HADHB: variants seen among roughly 807,000 people sequenced by gnomAD.
The protein encoded by HADHB is trifunctional enzyme subunit beta, mitochondrial.
A neutral mutation model predicts 61.9 loss-of-function variants in HADHB; 50 were observed. The observed-to-expected ratio is 0.81, with a 90% CI of 0.64 to 1.02. The LOEUF (loss-of-function observed/expected upper bound fraction) is 1.02. Among genes scored for constraint, HADHB ranks in the 50% least tolerant of loss-of-function variants. The pLI is 0.00. For synonymous variants in HADHB, 191 were observed against 201.6 expected, an observed-to-expected ratio of 0.95 and a Z score of 0.45; for missense variants, 504 against 586.5, an observed-to-expected ratio of 0.86 and a Z score of 1.45.
chr2:26,289,044 A>G (rs1405398415), intron 15 of HADHB, among the ~76,000 whole-genome samples: 7 of 151,988 alleles, frequency 4.6e-5, no homozygotes, highest in Admixed American at 3.3e-4. Context: ...AGGTCAGGAT[A>G]TCGAGACCAT....
At chr2:26,270,964 T>C (rs1172054651) in intron 5 of HADHB, among the ~76,000 whole-genome samples, 1 of 150,652 alleles carries the variant, frequency 6.6e-6, no homozygotes, top group Non-Finnish European at 1.5e-5. Context: ...CTGCAAGCTC[T>C]GCCTGCCGGG....
At chr2:26,253,872 ATAAAT>A (rs1671503725) in intron 1 of HADHB, among the ~76,000 whole-genome samples, 3 of 147,954 alleles carry the variant, frequency 2.0e-5, no homozygotes, top group Non-Finnish European at 3.0e-5. Context: ...AAATAAATAA[ATAAAT>A]AAATAAATAA....
chr2:26,279,093 C>T (rs756949596), intron 8 of HADHB, 42 bp from the exon 9 acceptor site: 11 of 1,486,700 alleles, frequency 7.4e-6, no homozygotes, highest in Admixed American at 5.0e-5. Context: ...AGCATAACAC[C>T]GGTTAACAGT....
chr2:26,260,802 A>G (rs1414218586), intron 3 of HADHB: 2 of 576,958 alleles, frequency 3.5e-6, no homozygotes, highest in African/African-American at 3.8e-5. Context: ...ACCACATGGT[A>G]TGTCCCTTTC....
In HADHB at chr2:26,290,240, G is replaced by GTTGGGAAAGAGGTCAACTGAGAT. The variant is rs1254736990; in HGVS notation, c.*292_*314dup. 19 of 470,956 alleles carry GTTGGGAAAGAGGTCAACTGAGAT rather than the reference G, an allele frequency of 4.0e-5. No homozygotes were observed. The highest frequency in any genetic ancestry group is 6.6e-5 in the Non-Finnish European group (17 of 259,504). The allele number at this position is 470,956 out of a possible 1,614,324, so 29.2% of individuals were successfully genotyped here. A position where few individuals can be genotyped will look rare whatever the true frequency, so the allele number is the denominator to read the frequency against. On this transcript the variant is annotated 3_prime_UTR_variant, in exon 16 of 16. Transcript: ENST00000317799. ...ACTAAAGACTAAATGAGGGTTTGCA[G>GTTGGGAAAGAGGTCAACTGAGAT]TTGGGAAAGAGGTCAACTGAGATTT...
Position 26,278,614 on chromosome 2 carries a change from G to T in HADHB, c.443G>T (p.Gly148Val). 1 of 1,612,710 alleles carries T rather than the reference G, an allele frequency of 6.2e-7. No individual in the cohort carries two copies. The highest frequency in any genetic ancestry group is 1.1e-5 in the South Asian group (1 of 91,048). The change falls in exon 8 of 16, where the codon GGT becomes GTT. Residue 148 changes from glycine to valine, a missense_variant and splice_region_variant. Physicochemically the swap from Gly to Val is moderately radical, Grantham distance 109. Transcript: ENST00000317799. Reference protein sequence around the residue: ...CISANQAMTTGVGLIASGQCD... With the variant: ...CISANQAMTTVVGLIASGQCD... ...ATGAAGTATAACCTGTGCCCTGTAG[G>T]TGTTGGCTTGATTGCTTCTGGCCAG...
intron 15 of HADHB, among the ~76,000 whole-genome samples, chr2:26,287,030 C>A (rs1223144177): frequency 1.3e-5 from 2 of 151,494 alleles, no homozygotes; most frequent in Non-Finnish European, 2.9e-5. Flanking sequence ...ATGGTGAAAC[C>A]TTGTCTCTAC....
At chr2:26,245,544 G>C (rs970170404) in intron 1 of HADHB, 1 of 151,914 alleles carries the variant, frequency 6.6e-6, no homozygotes, top group Non-Finnish European at 1.5e-5. Flanking sequence ...TTTCCGATCT[G>C]GATGATTATC....
At chr2:26,256,870 G>A (rs1051925185) in intron 3 of HADHB, among the ~76,000 whole-genome samples, 5 of 152,182 alleles carry the variant, frequency 3.3e-5, no homozygotes, top group Admixed American at 6.5e-5. Flanking sequence ...TTAGGAGCCA[G>A]TGTGCACATG....
intron 15 of HADHB, 105 bp from the exon 16 acceptor site, chr2:26,289,813 G>C (rs1391159414): frequency 1.2e-6 from 1 of 827,170 alleles, no homozygotes; most frequent in Non-Finnish European, 2.1e-6. Flanking sequence ...GCAGAGCCAG[G>C]ATCCCACTCC....
At chr2:26,274,244 C>T (rs2147820632) in intron 6 of HADHB, among the ~76,000 whole-genome samples, 1 of 152,278 alleles carries the variant, frequency 6.6e-6, no homozygotes, top group Admixed American at 6.5e-5. Context: ...TTACTTTTGC[C>T]CTAGTTGGCA....
intron 3 of HADHB, among the ~76,000 whole-genome samples, chr2:26,259,918 C>A (rs927010859): frequency 3.3e-5 from 5 of 152,012 alleles, no homozygotes; most frequent in Admixed American, 6.6e-5. Context: ...CTGACCTGAG[C>A]AAAGCTGTAA....
Position 26,271,379 on chromosome 2 carries a change from T to C in HADHB, c.254+1382T>C, listed in dbSNP as rs568043782. On this transcript the variant is annotated intron_variant, in intron 5 of 15. Transcript: ENST00000317799. Reference sequence around the variant, plus strand: ...AAAATTAGCTGGGCGTAGTAGCACATGCCTGTAATGCCAGCTACTTGGAAG... The same window carrying C: ...AAAATTAGCTGGGCGTAGTAGCACACGCCTGTAATGCCAGCTACTTGGAAG... Among the ~76,000 whole-genome samples, 10 of 152,100 alleles carry C rather than the reference T, an allele frequency of 6.6e-5. No homozygotes were observed. In the South Asian group the frequency reaches 2.1e-3, roughly 32 times the overall value.
intron 3 of HADHB, 56 bp downstream of exon 3, chr2:26,254,530 A>G (rs1016881902): frequency 7.6e-6 from 9 of 1,189,550 alleles, no homozygotes; most frequent in African/African-American, 1.5e-5. Context: ...TCCAGATTCT[A>G]TAGTTTGTGA....
At chr2:26,270,148 GC>G (rs1351815081) in intron 5 of HADHB, 151 bp downstream of exon 5, 1 of 699,242 alleles carries the variant, frequency 1.4e-6, no homozygotes. Flanking sequence ...TATTTTGCAG[GC>G]CTAACAGTGT....
At position 26,284,961 on chromosome 2, in the gene HADHB, A is replaced by T. The variant is rs1167574755; in HGVS notation, c.1224+4A>T. ...CTACATGGGTAGAAAAACCAAGGTG[A>T]GTTTCTAATTTTAAAAAATGCGTGA... On this transcript the variant is annotated splice_donor_region_variant and intron_variant, in intron 14 of 15. Coordinates refer to ENST00000317799, the MANE Select transcript of HADHB (RefSeq NM_000183.3). 31 of 1,472,836 alleles carry T rather than the reference A, an allele frequency of 2.1e-5. No individual in the cohort carries two copies. Among genetic ancestry groups the T allele is most frequent in the Non-Finnish European group, 2.7e-5 (28 of 1,051,242 alleles). 91.2% of individuals were successfully genotyped at this position (1,472,836 alleles called of 1,614,324 possible). A position where few individuals can be genotyped will look rare whatever the true frequency, so the allele number is the denominator to read the frequency against.
intron 5 of HADHB, among the ~76,000 whole-genome samples, chr2:26,270,690 A>G (rs1051934606): frequency 2.6e-5 from 4 of 152,072 alleles, no homozygotes; most frequent in Non-Finnish European, 5.9e-5. Context: ...CAGAAACCAT[A>G]CTTTAGAATC....
chr2:26,248,292 AACTT>A (rs1361356558), intron 1 of HADHB, among the ~76,000 whole-genome samples: 6 of 152,180 alleles, frequency 3.9e-5, no homozygotes, highest in Non-Finnish European at 2.9e-5. Context: ...TTTATACTAT[AACTT>A]ACTTAACTGT....
In HADHB at chr2:26,285,417, C is replaced by T. The variant is rs773015233; in HGVS notation, c.1235C>T (p.Pro412Leu). 4 of 1,613,670 alleles carry T rather than the reference C, an allele frequency of 2.5e-6. No individual in the cohort carries two copies. The highest frequency in any genetic ancestry group is 1.7e-4 in the Middle Eastern group (1 of 6,050). Residue 412 changes from proline (P) to leucine (L), a missense_variant, in exon 15 of 16, where the codon CCT becomes CTT. Coordinates refer to ENST00000317799, the MANE Select transcript of HADHB (RefSeq NM_000183.3). The part of the protein sequence containing the change: ...YMGRKTKVGL[P>L]PLEKFNNWGG... ...CTTTGGGGGAGCCAGGTTGGATTGC[C>T]TCCTTTGGAGAAGTTTAATAACTGG...
Sources: gnomAD v4.1 joint callset for allele counts (sites outside exome capture counted in the v4.1 genomes callset) on GRCh38, gnomAD v4.1.1 for gene constraint, MANE v1.5 for transcripts, NCBI Gene and HGNC (gene_info 2026-07-23, HGNC 2026-07-21) for gene names.